CTDSPL2: variants seen among roughly 807,000 people sequenced by gnomAD.
The protein encoded by CTDSPL2 is CTD small phosphatase-like protein 2.
In CTDSPL2, 5 loss-of-function variants were observed where a neutral mutation model predicts 60.0. The observed-to-expected ratio is 0.08, with a 90% confidence interval of 0.04 to 0.18. The LOEUF is 0.18. Among genes scored for constraint, CTDSPL2 ranks in the 10% least tolerant of loss-of-function variants. The pLI is 1.00. For missense variants in CTDSPL2, 370 were observed against 548.8 expected, an observed-to-expected ratio of 0.67 and a Z score of 3.26; for synonymous variants, 186 against 189.3, an observed-to-expected ratio of 0.98 and a Z score of 0.14.
intron 4 of CTDSPL2, among the ~76,000 whole-genome samples, chr15:44,487,190 A>G (rs765624557): frequency 2.4e-4 from 36 of 152,188 alleles, no homozygotes; most frequent in Non-Finnish European, 4.9e-4. Context: ...GTGGTGGCTG[A>G]TGCCGGTAAT....
chr15:44,496,391 C>T lies in CTDSPL2; in HGVS notation c.703C>T (p.Pro235Ser), dbSNP rs754439158. ...DIPPLTAPVT[P>S]DSGYSSAHAE... ...ACTATGTTAAATAGCACCAGTAACTCCAGATAGTGGTTATTCATCAGCCCA... is the reference window on the plus strand; with the variant it reads ...ACTATGTTAAATAGCACCAGTAACTTCAGATAGTGGTTATTCATCAGCCCA... Residue 235 changes from proline to serine, a missense_variant, in exon 6 of 13, where the codon CCA (proline) becomes TCA (serine). Coordinates refer to ENST00000260327, the MANE Select transcript of CTDSPL2 (RefSeq NM_016396.3). The T allele has an allele frequency of 6.2e-7, 1 of 1,612,470 alleles. No individual in the cohort carries two copies. The highest frequency in any genetic ancestry group is 1.3e-5 in the African/African-American group (1 of 74,888).
chr15:44,436,248 A>G (rs1377050165), intron 1 of CTDSPL2, among the ~76,000 whole-genome samples: 2 of 152,228 alleles, frequency 1.3e-5, no homozygotes, highest in African/African-American at 2.4e-5. Flanking sequence ...GTAGAGTATA[A>G]ATTAACAGAC....
chr15:44,462,218 T>C (rs2080585582), intron 2 of CTDSPL2, among the ~76,000 whole-genome samples: 1 of 152,340 alleles, frequency 6.6e-6, no homozygotes, highest in South Asian at 2.1e-4. Context: ...TGTGAGCCAC[T>C]GAGCCTGGCT....
At position 44,514,862 on chromosome 15, in the gene CTDSPL2, A is replaced by G. The variant is rs1422810767; in HGVS notation, c.1112+18A>G. On this transcript the variant is annotated intron_variant, in intron 10 of 12. Transcript: ENST00000260327. Reference sequence around the variant, plus strand: ...CTGGTCAGGTAAATTTAATTAAGAAATAGTGGAAATGTCTGTCACACTGAT... The same window carrying G: ...CTGGTCAGGTAAATTTAATTAAGAAGTAGTGGAAATGTCTGTCACACTGAT... The G allele has an allele frequency of 2.9e-6, 4 of 1,378,760 alleles. No homozygotes were observed. Among genetic ancestry groups the G allele is most frequent in the Middle Eastern group, 2.2e-4 (1 of 4,580 alleles). The allele number at this position is 1,378,760 out of a possible 1,614,324, so 85.4% of individuals were successfully genotyped here. A position where few individuals can be genotyped will look rare whatever the true frequency, so the allele number is the denominator to read the frequency against.
At chr15:44,450,788 G>A (rs1265339481) in intron 1 of CTDSPL2, among the ~76,000 whole-genome samples, 7 of 151,350 alleles carry the variant, frequency 4.6e-5, no homozygotes, top group Admixed American at 1.3e-4. Context: ...TAGAGAAGGG[G>A]CGTTTCACCA....
At chr15:44,479,525 G>C (rs1363370490) in intron 2 of CTDSPL2, among the ~76,000 whole-genome samples, 2 of 147,668 alleles carry the variant, frequency 1.4e-5, no homozygotes, top group African/African-American at 5.0e-5. Context: ...TCTTGCCTCA[G>C]CCTCTTTGAG....
chr15:44,439,828 C>G (rs373037848), intron 1 of CTDSPL2, among the ~76,000 whole-genome samples: 7 of 152,210 alleles, frequency 4.6e-5, no homozygotes, highest in African/African-American at 1.7e-4. Context: ...GTTATATAAG[C>G]AATTCCTAAC....
At chr15:44,492,696 GTCA>G (rs1159537020) in intron 5 of CTDSPL2, among the ~76,000 whole-genome samples, 1 of 152,150 alleles carries the variant, frequency 6.6e-6, no homozygotes, top group Non-Finnish European at 1.5e-5. Context: ...TTATTTTAAA[GTCA>G]TCAAGTGAAA....
Position 44,444,302 on chromosome 15 carries a change from T to TACACACACAC in CTDSPL2, c.-24-14659_-24-14650dup, listed in dbSNP as rs59993417. Among the ~76,000 whole-genome samples, 321 of 136,262 alleles carry TACACACACAC rather than the reference T, an allele frequency of 2.4e-3. 2 individuals are homozygous for TACACACACAC. The highest frequency in any genetic ancestry group is 0.011 in the Middle Eastern group (3 of 274). The allele number at this position is 136,262 out of a possible 152,430, so 89.4% of individuals were successfully genotyped here. ...AATCCAATGTTATGAGCTTTTCCCA[T>TACACACACAC]ACACACACACACACACACACACACA... On this transcript the variant is annotated intron_variant, in intron 1 of 12. Transcript: ENST00000260327.
intron 8 of CTDSPL2, among the ~76,000 whole-genome samples, chr15:44,512,381 A>G (rs2081581889): frequency 6.6e-6 from 1 of 152,170 alleles, no homozygotes; most frequent in East Asian, 1.9e-4. Flanking sequence ...TTTGGTTACT[A>G]ACTGCATGTG....
At chr15:44,455,314 T>C (rs2080411822) in intron 1 of CTDSPL2, among the ~76,000 whole-genome samples, 1 of 152,210 alleles carries the variant, frequency 6.6e-6, no homozygotes, top group African/African-American at 2.4e-5. Context: ...CTTAAGGAGA[T>C]TTTGGGCTGA....
chr15:44,469,330 A>G (rs932382185), intron 2 of CTDSPL2, among the ~76,000 whole-genome samples: 8 of 152,314 alleles, frequency 5.3e-5, no homozygotes, highest in African/African-American at 1.9e-4. Flanking sequence ...AGTACAAAAA[A>G]TATTTTTACT....
At chr15:44,524,039 GA>G in intron 12 of CTDSPL2, 69 bp from the exon 13 acceptor site, 1 of 1,195,782 alleles carries the variant, frequency 8.4e-7, no homozygotes, top group Admixed American at 1.7e-5. Context: ...TGCAAGGTAA[GA>G]ATGTATGTTA....
chr15:44,494,433 C>CTT (rs202077944), intron 5 of CTDSPL2, among the ~76,000 whole-genome samples: 2,891 of 152,048 alleles, frequency 0.019, 42 homozygotes, highest in Non-Finnish European at 0.028. Context: ...TAACAAGATA[C>CTT]TTTTTTGTCT....
chr15:44,519,412 T>A, intron 11 of CTDSPL2, 117 bp downstream of exon 11: 1 of 910,402 alleles, frequency 1.1e-6, no homozygotes, highest in Non-Finnish European at 1.6e-6. Flanking sequence ...GAATTTCCCT[T>A]TAATGTGTCA....
At chr15:44,503,812 C>G (rs1473820519) in intron 8 of CTDSPL2, 6 of 152,190 alleles carry the variant, frequency 3.9e-5, no homozygotes, top group Non-Finnish European at 5.9e-5. Context: ...TCAGTAAAAT[C>G]AACAAACTTT....
intron 1 of CTDSPL2, among the ~76,000 whole-genome samples, chr15:44,439,243 G>T (rs1191140269): frequency 6.6e-6 from 1 of 151,608 alleles, no homozygotes; most frequent in African/African-American, 2.4e-5. Context: ...CTGCCTCCTG[G>T]GTTCACACCA....
intron 8 of CTDSPL2, among the ~76,000 whole-genome samples, chr15:44,507,792 G>T (rs2081495701): frequency 1.3e-5 from 2 of 152,162 alleles, no homozygotes; most frequent in East Asian, 3.9e-4. Flanking sequence ...ACTCACTCCA[G>T]CTCTTCTTGT....
intron 2 of CTDSPL2, among the ~76,000 whole-genome samples, chr15:44,483,195 G>A (rs546599422): frequency 6.1e-4 from 92 of 151,518 alleles, no homozygotes; most frequent in Non-Finnish European, 3.2e-4. Context: ...GGAGGCGGGC[G>A]GAGGTTGCTG....
Sources: allele counts gnomAD v4.1 joint callset (sites outside exome capture counted in the v4.1 genomes callset), GRCh38; gene constraint gnomAD v4.1.1; transcripts MANE v1.5; gene names NCBI Gene and HGNC (gene_info 2026-07-23, HGNC 2026-07-21).